ATIC: variants seen among roughly 807,000 people sequenced by gnomAD.
The protein encoded by ATIC is 5-aminoimidazole-4-carboxamide ribonucleotide formyltransferase/IMP cyclohydrolase.
A neutral mutation model predicts 72.5 loss-of-function variants in ATIC; 64 were observed. The observed-to-expected ratio is 0.88, with a 90% confidence interval of 0.72 to 1.09. ATIC has a LOEUF of 1.09. Among genes scored for constraint, ATIC ranks in the 50% least tolerant of loss-of-function variants. The probability of loss-of-function intolerance (pLI) is 0.00; values close to 1 mark genes in which losing one functional copy is unlikely to be tolerated. For missense variants in ATIC, 787 were observed against 732.4 expected, an observed-to-expected ratio of 1.07 and a Z score of -0.86; for synonymous variants, 281 against 267.1, an observed-to-expected ratio of 1.05 and a Z score of -0.51.
chr2:215,354,417 T>A (rs752944153), downstream of ATIC, among the ~76,000 whole-genome samples: 7 of 152,254 alleles, frequency 4.6e-5, no homozygotes, highest in Non-Finnish European at 1.0e-4. Flanking sequence ...GTTGGCACTC[T>A]GGGTTTTTCA....
At position 215,335,936 on chromosome 2, in the gene ATIC, T is replaced by C; in HGVS notation, c.1009-99T>C. On this transcript the variant is annotated intron_variant, in intron 10 of 15. Transcript: ENST00000236959. ...TTTGTTGGAGGCAGAAACCAGAATA[T>C]GCTGCCACATTATTTAAGACTGATA... 5.4e-6 allele frequency: 5 copies of C among 929,866 alleles called. No homozygotes were observed. In the South Asian group the frequency reaches 5.9e-5, roughly 11 times the overall value. The allele number at this position is 929,866 out of a possible 1,614,324, so 57.6% of individuals were successfully genotyped here.
At chr2:215,327,885 A>G (rs1353049203) in intron 7 of ATIC, among the ~76,000 whole-genome samples, 1 of 50,292 alleles carries the variant, frequency 2.0e-5, no homozygotes, top group Non-Finnish European at 3.7e-5. Context: ...TCTGCCTCAG[A>G]TAGATTTTTT....
intron 11 of ATIC, among the ~76,000 whole-genome samples, chr2:215,336,953 A>C (rs770931108): frequency 2.2e-4 from 33 of 152,342 alleles, no homozygotes; most frequent in Non-Finnish European, 4.3e-4. Context: ...CTGCAGTTAG[A>C]AAATGGCATC....
the ATIC span, chr2:215,365,707 G>T: frequency 2.2e-6 from 3 of 1,374,900 alleles, no homozygotes; most frequent in Admixed American, 3.5e-5. Context: ...GAACTGGGAC[G>T]TGTCACAGGG....
At chr2:215,334,189 C>CTTTTTTTTTTTTTT (rs551274501) in intron 9 of ATIC, among the ~76,000 whole-genome samples, 1 of 101,004 alleles carries the variant, frequency 9.9e-6, no homozygotes, top group Non-Finnish European at 1.9e-5. Flanking sequence ...AAAAGCTATT[C>CTTTTTTTTTTTTTT]TTTTTTTTTT....
Position 215,349,746 on chromosome 2 carries a change from G to A in ATIC, c.*91G>A. 6.2e-7 allele frequency: 1 copy of A among 1,600,504 alleles called. No homozygotes were observed. The highest frequency in any genetic ancestry group is 8.6e-7 in the Non-Finnish European group (1 of 1,168,402). ...GATAACTTTTTAAAAAAATAAAACA[G>A]TATCTCTTAATCACTGGATCCATAG... On this transcript the variant is annotated 3_prime_UTR_variant, in exon 16 of 16. Transcript: ENST00000236959.
At chr2:215,349,291 A>G in intron 15 of ATIC, 42 bp downstream of exon 15, 4 of 1,612,710 alleles carry the variant, frequency 2.5e-6, no homozygotes, top group Non-Finnish European at 2.5e-6. Flanking sequence ...GTTGAGCATT[A>G]TGTAGAAACT....
chr2:215,358,187 T>C, the ATIC span, among the ~76,000 whole-genome samples: 2 of 151,534 alleles, frequency 1.3e-5, no homozygotes, highest in African/African-American at 4.8e-5. Flanking sequence ...TCACTTAGAT[T>C]ATTAGAGCTG....
chr2:215,322,198 C>T (rs572004945), intron 4 of ATIC, among the ~76,000 whole-genome samples: 62 of 152,094 alleles, frequency 4.1e-4, no homozygotes, highest in Middle Eastern at 6.8e-3. Flanking sequence ...CCACCATGCC[C>T]GGCCCACAAA....
chr2:215,317,779 G>A (rs1228683555), intron 2 of ATIC, among the ~76,000 whole-genome samples: 2 of 152,088 alleles, frequency 1.3e-5, no homozygotes, highest in African/African-American at 4.8e-5. Flanking sequence ...ATGAGCCACC[G>A]TGCCCGGCCA....
chr2:215,365,641 G>A, the ATIC span: 17 of 1,613,718 alleles, frequency 1.1e-5, no homozygotes, highest in Non-Finnish European at 1.4e-5. Context: ...CTGTAGGGGT[G>A]GGGAAAGTCA....
chr2:215,313,816 G>T (rs757078909), intron 2 of ATIC, among the ~76,000 whole-genome samples: 1 of 152,118 alleles, frequency 6.6e-6, no homozygotes, highest in Non-Finnish European at 1.5e-5. Context: ...TTTGCGTCTT[G>T]TCTCTGTGGT....
intron 12 of ATIC, 114 bp downstream of exon 12, chr2:215,339,021 C>T (rs542569581): frequency 4.3e-6 from 6 of 1,385,864 alleles, no homozygotes; most frequent in Admixed American, 3.5e-5. Flanking sequence ...TGTATGCACA[C>T]GGCTAGCTAG....
At chr2:215,356,407 G>T in the ATIC span, among the ~76,000 whole-genome samples, 1 of 152,136 alleles carries the variant, frequency 6.6e-6, no homozygotes, top group Non-Finnish European at 1.5e-5. Flanking sequence ...CCTCATGAAG[G>T]AGCAAAAATT....
downstream of ATIC, among the ~76,000 whole-genome samples, chr2:215,350,204 T>C (rs1479651203): frequency 2.0e-5 from 3 of 152,160 alleles, no homozygotes; most frequent in Admixed American, 2.0e-4. Flanking sequence ...TGGCACCGTC[T>C]TGGCTCACTG....
At chr2:215,336,171 T>A in intron 11 of ATIC, 47 bp downstream of exon 11, 1 of 1,390,192 alleles carries the variant, frequency 7.2e-7, no homozygotes, top group Non-Finnish European at 1.0e-6. Context: ...TTTTATTCTG[T>A]GTCTCTTTCT....
At chr2:215,357,493 GA>G in the ATIC span, among the ~76,000 whole-genome samples, 1 of 152,304 alleles carries the variant, frequency 6.6e-6, no homozygotes, top group East Asian at 1.9e-4. Context: ...AAGTAAAAAG[GA>G]ATTCAAGGAA....
intron 7 of ATIC, among the ~76,000 whole-genome samples, chr2:215,329,483 A>AC (rs1425210728): frequency 6.6e-6 from 1 of 152,152 alleles, no homozygotes; most frequent in African/African-American, 2.4e-5. Flanking sequence ...TAGAAAAGGC[A>AC]CTTTGCCTTT....
chr2:215,361,660 G>C, the ATIC span: 1 of 1,475,542 alleles, frequency 6.8e-7, no homozygotes, highest in African/African-American at 1.4e-5. Context: ...AAAAATTAGT[G>C]GCAAATACTG....
Sources: allele counts gnomAD v4.1 joint callset (sites outside exome capture counted in the v4.1 genomes callset), GRCh38; gene constraint gnomAD v4.1.1; transcripts MANE v1.5; gene names NCBI Gene and HGNC (gene_info 2026-07-23, HGNC 2026-07-21).